Variants in KLHL1 observed in about 807,000 individuals in gnomAD.
KLHL1 encodes the protein kelch-like protein 1.
A neutral mutation model predicts 77.7 loss-of-function variants in KLHL1; 47 were observed. That is an observed-to-expected ratio of 0.60 (90% CI 0.48 to 0.77). KLHL1 has a LOEUF of 0.77. KLHL1 is among the 30% of genes least tolerant of loss of function. KLHL1 has a pLI of 0.00. For missense variants in KLHL1, 925 were observed against 910.8 expected (o/e 1.02, Z -0.20); for synonymous variants, 360 against 325.2 (o/e 1.11, Z -1.15).
intron 7 of KLHL1, among the ~76,000 whole-genome samples, chr13:69,791,028 C>T: frequency 6.6e-6 from 1 of 151,784 alleles, no homozygotes; most frequent in East Asian, 1.9e-4. Context: ...GCTGGAGGGT[C>T]AAGCCATTGC....
At chr13:69,825,802 A>G (rs1878520693) in intron 6 of KLHL1, among the ~76,000 whole-genome samples, 1 of 152,188 alleles carries the variant, frequency 6.6e-6, no homozygotes, top group South Asian at 2.1e-4. Flanking sequence ...TGAGCTACAG[A>G]GGGCAGAGCA....
chr13:69,912,961 C>T (rs796326356), intron 4 of KLHL1, among the ~76,000 whole-genome samples: 6 of 152,194 alleles, frequency 3.9e-5, no homozygotes, highest in Admixed American at 1.3e-4. Flanking sequence ...GCAACATGTG[C>T]TCCCAGTGTG....
intron 5 of KLHL1, among the ~76,000 whole-genome samples, chr13:69,875,387 C>T (rs760197343): frequency 6.6e-5 from 10 of 151,984 alleles, no homozygotes; most frequent in Non-Finnish European, 1.2e-4. Context: ...AAAATTGATA[C>T]AATTGATAAT....
intron 1 of KLHL1, among the ~76,000 whole-genome samples, chr13:70,084,147 T>C (rs1428100222): frequency 6.6e-6 from 1 of 152,194 alleles, no homozygotes; most frequent in African/African-American, 2.4e-5. Context: ...TTCATAATTA[T>C]GCATTTCCAA....
chr13:69,814,277 C>T (rs1878025699), intron 6 of KLHL1, among the ~76,000 whole-genome samples: 1 of 152,040 alleles, frequency 6.6e-6, no homozygotes, highest in African/African-American at 2.4e-5. Context: ...TGTAAGACCT[C>T]AAACCATAAA....
chr13:70,088,334 A>G (rs1055562424), intron 1 of KLHL1, among the ~76,000 whole-genome samples: 1 of 152,124 alleles, frequency 6.6e-6, no homozygotes, highest in African/African-American at 2.4e-5. Flanking sequence ...CCTTCCTCAT[A>G]GGAGAGCTTT....
chr13:69,849,628 C>A (rs867478195), intron 5 of KLHL1, among the ~76,000 whole-genome samples: 15 of 151,416 alleles, frequency 9.9e-5, no homozygotes, highest in African/African-American at 3.4e-4. Context: ...TCACAGTCAA[C>A]ATTTAGTTTT....
chr13:70,090,473 A>G (rs1015676054), intron 1 of KLHL1, among the ~76,000 whole-genome samples: 16 of 145,568 alleles, frequency 1.1e-4, no homozygotes, highest in African/African-American at 3.6e-4. Flanking sequence ...TTCAAGGTTT[A>G]TTGAAAAAAA....
At position 69,740,525 on chromosome 13, in the gene KLHL1, A is replaced by G. The variant is rs1309064362; in HGVS notation, c.1671T>C (p.Ala557=). The part of the protein sequence containing the change: ...GVTVLEGPIY[A]VGGHDGWSYL... ...AGCTCCAGCCATCATGGCCTCCCACAGCATAAATAGGGCCTTCAAGTACTG... is the reference window on the plus strand; with the variant it reads ...AGCTCCAGCCATCATGGCCTCCCACGGCATAAATAGGGCCTTCAAGTACTG... The change falls in exon 8 of 11, where the codon GCT becomes GCC. Residue 557 remains alanine (A), a synonymous_variant. Transcript: ENST00000377844. The G allele has an allele frequency of 1.2e-6, 2 of 1,612,262 alleles. No homozygotes were observed. The highest frequency in any genetic ancestry group is 1.7e-5 in the Admixed American group (1 of 59,966).
intron 1 of KLHL1, among the ~76,000 whole-genome samples, chr13:70,097,209 TA>T (rs1249710693): frequency 6.6e-6 from 1 of 152,032 alleles, no homozygotes; most frequent in African/African-American, 2.4e-5. Flanking sequence ...CAAGAGTTTG[TA>T]CTTAACAAGA....
intron 1 of KLHL1, among the ~76,000 whole-genome samples, chr13:70,101,928 A>G (rs1887932134): frequency 6.7e-6 from 1 of 150,314 alleles, no homozygotes; most frequent in South Asian, 2.1e-4. Context: ...ACTATGTAAC[A>G]CAGAAACCTA....
At chr13:70,076,850 A>T (rs1887279308) in intron 1 of KLHL1, among the ~76,000 whole-genome samples, 1 of 152,002 alleles carries the variant, frequency 6.6e-6, no homozygotes, top group Non-Finnish European at 1.5e-5. Flanking sequence ...CACTTCAGCA[A>T]GTAGGGTATA....
intron 1 of KLHL1, among the ~76,000 whole-genome samples, chr13:70,040,884 G>A (rs1350657623): frequency 6.6e-6 from 1 of 152,016 alleles, no homozygotes; most frequent in Admixed American, 6.5e-5. Context: ...ATATTTCATT[G>A]TATCCTACAT....
At chr13:69,986,310 A>G (rs989997065) in intron 1 of KLHL1, among the ~76,000 whole-genome samples, 14 of 152,174 alleles carry the variant, frequency 9.2e-5, no homozygotes, top group African/African-American at 3.4e-4. Flanking sequence ...ATATTTCGAA[A>G]TAGCAAGAAG....
At chr13:70,029,343 A>G (rs898474776) in intron 1 of KLHL1, among the ~76,000 whole-genome samples, 1 of 152,210 alleles carries the variant, frequency 6.6e-6, no homozygotes, top group Non-Finnish European at 1.5e-5. Context: ...AGTATTGCTA[A>G]GCAAACGTTG....
intron 7 of KLHL1, among the ~76,000 whole-genome samples, chr13:69,783,815 A>C (rs1876361824): frequency 6.7e-6 from 1 of 149,870 alleles, no homozygotes; most frequent in South Asian, 2.1e-4. Context: ...ATTCAGATTC[A>C]GGAAATACAG....
intron 1 of KLHL1, among the ~76,000 whole-genome samples, chr13:70,105,744 T>C (rs1248195586): frequency 1.3e-5 from 2 of 151,124 alleles, no homozygotes; most frequent in South Asian, 2.1e-4. Context: ...AAATAACTTT[T>C]AATAACATTT....
At chr13:69,847,140 T>C (rs1176389997) in intron 5 of KLHL1, among the ~76,000 whole-genome samples, 2 of 151,450 alleles carry the variant, frequency 1.3e-5, no homozygotes, top group Non-Finnish European at 3.0e-5. Flanking sequence ...ACTTTTACAA[T>C]ACTATCATAA....
chr13:69,828,252 T>C (rs1469966541), intron 6 of KLHL1, among the ~76,000 whole-genome samples: 1 of 150,370 alleles, frequency 6.7e-6, no homozygotes, highest in Non-Finnish European at 1.5e-5. Context: ...CAAGTACATA[T>C]GCTCACCTCA....
Sources: gnomAD v4.1 joint callset for allele counts (sites outside exome capture counted in the v4.1 genomes callset) on GRCh38, gnomAD v4.1.1 for gene constraint, MANE v1.5 for transcripts, NCBI Gene and HGNC (gene_info 2026-07-23, HGNC 2026-07-21) for gene names.